The following SLC25A26 variants were observed in gnomAD, a reference collection of about 807,000 sequenced individuals.
SLC25A26 encodes the protein mitochondrial S-adenosylmethionine carrier protein.
In SLC25A26, 36 loss-of-function variants were observed where a neutral mutation model predicts 37.8. The observed-to-expected ratio is 0.95, with a 90% CI of 0.73 to 1.26. The LOEUF (loss-of-function observed/expected upper bound fraction) is 1.26. SLC25A26 is among the 50% of genes most tolerant of loss of function. SLC25A26 has a pLI of 0.00. For missense variants in SLC25A26, 390 were observed against 331.1 expected, an observed-to-expected ratio of 1.18 and a Z score of -1.38; for synonymous variants, 129 against 122.5, an observed-to-expected ratio of 1.05 and a Z score of -0.35.
At chr3:66,232,580 A>G (rs1019815809) in intron 1 of SLC25A26, among the ~76,000 whole-genome samples, 4 of 152,234 alleles carry the variant, frequency 2.6e-5, no homozygotes, top group African/African-American at 7.2e-5. Context: ...GCTTGGAAAC[A>G]ACAAGATCTA....
In SLC25A26 at chr3:66,314,761, G is replaced by GTT. The variant is rs71105979; in HGVS notation, c.454-31593_454-31592dup. Among the ~76,000 whole-genome samples the GTT allele has an allele frequency of 3.7e-3, 525 of 143,658 alleles. 3 individuals are homozygous for GTT. Among genetic ancestry groups the GTT allele is most frequent in the African/African-American group, 0.012 (459 of 39,580 alleles). 94.2% of individuals were successfully genotyped at this position (143,658 alleles called of 152,430 possible). A position where few individuals can be genotyped will look rare whatever the true frequency, so the allele number is the denominator to read the frequency against. ...ACCGTCTGGTTCTGGGCTTTTTTTT[G>GTT]TTTTTTTTTTTAGTTATTTATTACT... On this transcript the variant is annotated intron_variant, in intron 5 of 9. Coordinates refer to ENST00000354883, the MANE Select transcript of SLC25A26 (RefSeq NM_001379210.1).
At chr3:66,360,362 C>T (rs764355410) in intron 6 of SLC25A26, among the ~76,000 whole-genome samples, 1 of 151,774 alleles carries the variant, frequency 6.6e-6, no homozygotes, top group Non-Finnish European at 1.5e-5. Flanking sequence ...CAATGCATAC[C>T]ATTATTCTGA....
chr3:66,221,073 C>G lies in SLC25A26; in HGVS notation c.-22C>G, dbSNP rs1334378512. ...GCTTCTGCTCCGGCTTGGATTGTAG[C>G]CTTGACGAGGTCTGAGCGACCATGG... On this transcript the variant is annotated 5_prime_UTR_variant, in exon 1 of 10. Transcript: ENST00000354883. 4.6e-6 allele frequency: 7 copies of G among 1,535,054 alleles called. No homozygotes were observed. Among genetic ancestry groups the G allele is most frequent in the Non-Finnish European group, 6.1e-6 (7 of 1,145,810 alleles).
intron 5 of SLC25A26, among the ~76,000 whole-genome samples, chr3:66,278,667 T>C (rs1436641496): frequency 6.6e-6 from 1 of 152,192 alleles, no homozygotes; most frequent in Non-Finnish European, 1.5e-5. Flanking sequence ...TTTTAGAAAC[T>C]TTAAGTTATA....
chr3:66,189,762 A>G (rs1389230292), intron 1 of SLC25A26, among the ~76,000 whole-genome samples: 3 of 152,100 alleles, frequency 2.0e-5, no homozygotes, highest in African/African-American at 2.4e-5. Flanking sequence ...CCTGGGCTCA[A>G]GCGACTTTCC....
chr3:66,277,255 A>C (rs1046440621), intron 5 of SLC25A26, among the ~76,000 whole-genome samples: 1 of 152,146 alleles, frequency 6.6e-6, no homozygotes, highest in Non-Finnish European at 1.5e-5. Context: ...AGCAAATACC[A>C]GACATTCTGA....
intron 3 of SLC25A26, among the ~76,000 whole-genome samples, chr3:66,248,688 G>A: frequency 6.6e-6 from 1 of 152,190 alleles, no homozygotes; most frequent in East Asian, 1.9e-4. Context: ...CTGGTAGAGT[G>A]TCCTTTTCAA....
At chr3:66,258,086 A>G (rs747021302) in intron 3 of SLC25A26, among the ~76,000 whole-genome samples, 9 of 152,146 alleles carry the variant, frequency 5.9e-5, no homozygotes, top group Non-Finnish European at 1.0e-4. Context: ...TCCTTTGCCC[A>G]CAGAATACTG....
chr3:66,258,171 A>G (rs535849027), intron 3 of SLC25A26, among the ~76,000 whole-genome samples: 19 of 152,276 alleles, frequency 1.2e-4, no homozygotes, highest in African/African-American at 4.6e-4. Context: ...AGGGGTGGCC[A>G]TGTCACACAA....
chr3:66,177,776 G>T (rs150190406), intron 1 of SLC25A26, among the ~76,000 whole-genome samples: 63 of 152,284 alleles, frequency 4.1e-4, no homozygotes, highest in Middle Eastern at 6.8e-3. Context: ...ACACTTTACC[G>T]TAAATTTACT....
At chr3:66,351,853 C>A (rs2076460778) in intron 6 of SLC25A26, among the ~76,000 whole-genome samples, 2 of 152,168 alleles carry the variant, frequency 1.3e-5, no homozygotes, top group Non-Finnish European at 2.9e-5. Flanking sequence ...CTCTAACACC[C>A]CTTGTTTGAA....
At chr3:66,360,213 G>C (rs1361641405) in intron 6 of SLC25A26, among the ~76,000 whole-genome samples, 1 of 152,096 alleles carries the variant, frequency 6.6e-6, no homozygotes, top group East Asian at 1.9e-4. Context: ...AATGAACTTT[G>C]CTGTTCTTCT....
chr3:66,207,890 A>T (rs901005418), intron 1 of SLC25A26, among the ~76,000 whole-genome samples: 1 of 152,200 alleles, frequency 6.6e-6, no homozygotes, highest in Non-Finnish European at 1.5e-5. Flanking sequence ...CTATTACCCA[A>T]TTGTTGAGAC....
At chr3:66,273,227 G>T (rs332346) in intron 5 of SLC25A26, among the ~76,000 whole-genome samples, 33,122 of 151,932 alleles carry the variant, frequency 0.22, 4,606 homozygotes, top group African/African-American at 0.38. Context: ...GCGTCAATGT[G>T]CATCAAGGAT....
At chr3:66,149,834 A>G (rs2070174098) in intron 1 of SLC25A26, among the ~76,000 whole-genome samples, 1 of 152,220 alleles carries the variant, frequency 6.6e-6, no homozygotes, top group African/African-American at 2.4e-5. Flanking sequence ...GCACACTGCA[A>G]GTCACTTAGC....
At position 66,208,885 on chromosome 3, in the gene SLC25A26, T is replaced by TACAC. The variant is rs1553655949; in HGVS notation, c.-353-11856_-353-11853dup. On this transcript the variant is annotated intron_variant, in intron 1 of 10. Transcript: ENST00000676754. Reference sequence around the variant, plus strand: ...ATGGGTGTGTGTATATATATATATATACACCTTTATATGGGTATATATATA... The same window carrying TACAC: ...ATGGGTGTGTGTATATATATATATATACACACACCTTTATATGGGTATATATATA... Among the ~76,000 whole-genome samples, 10 of 105,598 alleles carry TACAC rather than the reference T, an allele frequency of 9.5e-5. 1 individual carries two copies. The highest frequency in any genetic ancestry group is 2.8e-4 in the East Asian group (1 of 3,608). 69.3% of individuals were successfully genotyped at this position (105,598 alleles called of 152,430 possible).
At chr3:66,282,059 C>T (rs1437980946) in intron 5 of SLC25A26, among the ~76,000 whole-genome samples, 3 of 130,854 alleles carry the variant, frequency 2.3e-5, no homozygotes, top group Admixed American at 9.0e-5. Flanking sequence ...GGCCGGACTG[C>T]GGACTGCAGT....
At chr3:66,251,192 A>T (rs1165388662) in intron 3 of SLC25A26, among the ~76,000 whole-genome samples, 1 of 152,108 alleles carries the variant, frequency 6.6e-6, no homozygotes, top group Non-Finnish European at 1.5e-5. Flanking sequence ...TGCCTGCTAT[A>T]GTAAGGAGTT....
chr3:66,260,203 C>G (rs1039772055), intron 3 of SLC25A26, among the ~76,000 whole-genome samples: 1 of 152,108 alleles, frequency 6.6e-6, no homozygotes, highest in East Asian at 1.9e-4. Context: ...CCCCACCCCC[C>G]TTTTGGCCAT....
Sources: allele counts gnomAD v4.1 joint callset (sites outside exome capture counted in the v4.1 genomes callset), GRCh38; gene constraint gnomAD v4.1.1; transcripts MANE v1.5; gene names NCBI Gene and HGNC (gene_info 2026-07-23, HGNC 2026-07-21).